The following POFUT1 variants were observed in gnomAD, a reference collection of about 807,000 sequenced individuals.
POFUT1 encodes protein O-fucosyltransferase 1.
Under a neutral mutation model 42.4 loss-of-function variants are expected in POFUT1, and 16 were observed. The observed-to-expected ratio is 0.38, with a 90% CI of 0.26 to 0.57. The LOEUF (loss-of-function observed/expected upper bound fraction) is 0.57, where lower values mean the gene tolerates loss of function less well. Ranked by LOEUF, POFUT1 falls within the 20% of genes least tolerant of loss-of-function variation. POFUT1 has a pLI of 0.71. For synonymous variants in POFUT1, 206 were observed against 205.4 expected (o/e 1.00, Z -0.03); for missense variants, 470 against 504.6 (o/e 0.93, Z 0.66).
At chr20:32,230,178 G>A (rs1213841230) in intron 5 of POFUT1, among the ~76,000 whole-genome samples, 1 of 151,736 alleles carries the variant, frequency 6.6e-6, no homozygotes, top group African/African-American at 2.4e-5. Flanking sequence ...ACGAGGTCAG[G>A]AGATCAAGAC....
chr20:32,218,620 T>C (rs1310937449), intron 4 of POFUT1, among the ~76,000 whole-genome samples: 1 of 152,164 alleles, frequency 6.6e-6, no homozygotes, highest in Non-Finnish European at 1.5e-5. Flanking sequence ...ACTCCCATTC[T>C]CTGCCTGCAT....
chr20:32,226,542 C>A (rs1055708476), intron 4 of POFUT1, among the ~76,000 whole-genome samples: 3 of 152,000 alleles, frequency 2.0e-5, no homozygotes, highest in African/African-American at 7.2e-5. Context: ...ATACACTGAA[C>A]AGTTCCATTA....
intron 4 of POFUT1, chr20:32,222,937 A>G (rs2047397917): frequency 2.0e-6 from 2 of 984,172 alleles, no homozygotes; most frequent in Admixed American, 1.2e-4. Context: ...GGAGCCAGCC[A>G]TGCAGAGAGC....
intron 4 of POFUT1, among the ~76,000 whole-genome samples, chr20:32,220,516 T>C (rs1373463517): frequency 6.6e-6 from 1 of 151,738 alleles, no homozygotes; most frequent in Non-Finnish European, 1.5e-5. Context: ...CTGAGGCGGG[T>C]GGATCACTTG....
rs780544892 is a variant in POFUT1 at position 32,234,610 on chromosome 20, G to A, written c.1116G>A (p.Pro372=). The A allele has an allele frequency of 2.7e-5, 43 of 1,613,654 alleles. No homozygotes were observed. The highest frequency in any genetic ancestry group is 1.6e-4 in the Middle Eastern group (1 of 6,082). The change falls in exon 7 of 7, where the codon CCG becomes CCA. Residue 372 remains proline (P), a synonymous_variant. Coordinates refer to ENST00000375749, the MANE Select transcript of POFUT1 (RefSeq NM_015352.2). ...VKRERDLQGR[P]SSFFGMDRPP... is the part of the protein sequence containing the mutation. ...GGGAGCGGGACCTCCAGGGGAGGCC[G>A]TCTTCTTTCTTCGGCATGGACAGGC...
intron 2 of POFUT1, among the ~76,000 whole-genome samples, 158 bp downstream of exon 2, chr20:32,210,350 TTA>T (rs2047321025): frequency 6.6e-6 from 1 of 152,206 alleles, no homozygotes; most frequent in Non-Finnish European, 1.5e-5. Flanking sequence ...TGCCTAACAT[TTA>T]TTTATCCAGC....
At chr20:32,218,651 C>T (rs976211761) in intron 4 of POFUT1, among the ~76,000 whole-genome samples, 3 of 152,074 alleles carry the variant, frequency 2.0e-5, no homozygotes, top group Admixed American at 6.6e-5. Context: ...CATTCACCTC[C>T]GAATGACCTG....
intron 4 of POFUT1, among the ~76,000 whole-genome samples, chr20:32,226,522 A>G (rs986667368): frequency 6.6e-6 from 1 of 151,472 alleles, no homozygotes; most frequent in Non-Finnish European, 1.5e-5. Context: ...TGTATCCACT[A>G]CTATAGTTAA....
Position 32,207,913 on chromosome 20 carries a change from C to A in POFUT1, c.-29C>A, listed in dbSNP as rs778826164. 2.9e-5 allele frequency: 46 copies of A among 1,566,244 alleles called. No individual in the cohort carries two copies. The highest frequency in any genetic ancestry group is 3.7e-5 in the Non-Finnish European group (43 of 1,164,872). ...CCCTCCTTCCCTCCCCGACTGTGCG[C>A]CGCGGCTGGCTCGGGTTCCCGGGCC... On this transcript the variant is annotated 5_prime_UTR_variant, in exon 1 of 7. Transcript: ENST00000375749.
chr20:32,231,601 A>G (rs987113714), intron 6 of POFUT1, among the ~76,000 whole-genome samples: 1 of 152,178 alleles, frequency 6.6e-6, no homozygotes, highest in East Asian at 1.9e-4. Flanking sequence ...GAGACTCTGG[A>G]GTCAGAGAAC....
At position 32,237,736 on chromosome 20, in the gene POFUT1, G is replaced by A; in HGVS notation, c.*3075G>A. The A allele has an allele frequency of 1.9e-6, 1 of 532,688 alleles. No individual in the cohort carries two copies. 33.0% of individuals were successfully genotyped at this position (532,688 alleles called of 1,614,324 possible). On this transcript the variant is annotated 3_prime_UTR_variant, in exon 7 of 7. Coordinates refer to ENST00000375749, the MANE Select transcript of POFUT1 (RefSeq NM_015352.2). The stretch of plus-strand genomic sequence containing the variant: ...TAGCTGGCCAGTGCTGAGGAGGTTG[G>A]AGAGAGAAAGGGTGAAAGCAGAGAG...
At chr20:32,217,824 G>A in intron 4 of POFUT1, 1 of 829,722 alleles carries the variant, frequency 1.2e-6, no homozygotes, top group Non-Finnish European at 1.5e-6. Context: ...AGGAAACTGA[G>A]CCCAGTGAAG....
intron 6 of POFUT1, among the ~76,000 whole-genome samples, chr20:32,232,998 C>T (rs1222104686): frequency 6.6e-6 from 1 of 152,212 alleles, no homozygotes; most frequent in African/African-American, 2.4e-5. Context: ...AGAGCTATAA[C>T]GTGGGCCACA....
intron 5 of POFUT1, among the ~76,000 whole-genome samples, chr20:32,229,593 G>C (rs1440381637): frequency 6.6e-6 from 1 of 152,182 alleles, no homozygotes; most frequent in Non-Finnish European, 1.5e-5. Context: ...GCTATTGGAA[G>C]TGTTCCCACT....
At chr20:32,217,038 C>T in intron 4 of POFUT1, 2 of 1,614,018 alleles carry the variant, frequency 1.2e-6, no homozygotes, top group Non-Finnish European at 1.7e-6. Flanking sequence ...TTACCTTACT[C>T]TTCCCAAGGT....
At chr20:32,209,127 C>T (rs1210754084) in intron 1 of POFUT1, among the ~76,000 whole-genome samples, 1 of 152,198 alleles carries the variant, frequency 6.6e-6, no homozygotes, top group Non-Finnish European at 1.5e-5. Context: ...TGCAGCCACA[C>T]TTAACTCCTT....
intron 6 of POFUT1, among the ~76,000 whole-genome samples, chr20:32,234,042 C>T (rs750903280): frequency 2.8e-4 from 42 of 152,192 alleles, no homozygotes; most frequent in Non-Finnish European, 4.6e-4. Flanking sequence ...AAATTAACCA[C>T]GTGTGGTGGT....
At chr20:32,209,994 A>T in intron 1 of POFUT1, 77 bp from the exon 2 acceptor site, 1 of 1,559,550 alleles carries the variant, frequency 6.4e-7, no homozygotes, top group East Asian at 2.2e-5. Flanking sequence ...CCCTGGCTCC[A>T]CAACCTTTCT....
chr20:32,234,412 T>A, intron 6 of POFUT1, 61 bp from the exon 7 acceptor site: 1 of 1,440,722 alleles, frequency 6.9e-7, no homozygotes. Context: ...GTTGGGGGTG[T>A]GGATGGCAGG....
Sources: gnomAD v4.1 joint callset for allele counts (sites outside exome capture counted in the v4.1 genomes callset) on GRCh38, gnomAD v4.1.1 for gene constraint, MANE v1.5 for transcripts, NCBI Gene and HGNC (gene_info 2026-07-23, HGNC 2026-07-21) for gene names.